NTF3: variants seen among roughly 807,000 people sequenced by gnomAD.
NTF3 encodes neurotrophin 3.
NTF3 carries 8 observed loss-of-function variants against 26.3 expected under a neutral mutation model. That is an observed-to-expected ratio of 0.30 (90% confidence interval 0.18 to 0.55). The LOEUF is 0.55. Ranked by LOEUF, NTF3 falls within the 20% of genes least tolerant of loss-of-function variation. The pLI is 0.93. For missense variants in NTF3, 276 were observed against 352.9 expected, an observed-to-expected ratio of 0.78 and a Z score of 1.75; for synonymous variants, 154 against 145.5, an observed-to-expected ratio of 1.06 and a Z score of -0.42.
intron 1 of NTF3, among the ~76,000 whole-genome samples, chr12:5,442,304 T>C (rs565460512): frequency 6.6e-6 from 1 of 152,172 alleles, no homozygotes; most frequent in Admixed American, 6.5e-5. Flanking sequence ...ATGACAGTGG[T>C]TTTCTTGTCC....
chr12:5,470,947 C>T (rs1940657344), intron 1 of NTF3, among the ~76,000 whole-genome samples: 1 of 151,342 alleles, frequency 6.6e-6, no homozygotes, highest in Admixed American at 6.6e-5. Flanking sequence ...GCAGAAGCTG[C>T]ACATGTTGTC....
At chr12:5,447,472 G>A (rs369295807) in intron 1 of NTF3, among the ~76,000 whole-genome samples, 51 of 152,318 alleles carry the variant, frequency 3.3e-4, no homozygotes, top group African/African-American at 1.2e-3. Context: ...CATCATTACA[G>A]CGAAATAGAG....
rs1385554867 is a variant in NTF3, at chr12:5,433,526, A to C, written c.18+1184A>C. ...TCTCCGCGGGAGTGGGTGCGCGTCC[A>C]GGAGGCGCTGCTTCTTTGCGGGAGT... On this transcript the variant is annotated intron_variant, in intron 1 of 1. Transcript: ENST00000423158. The surrounding 1 kb of genome is among the most constrained non-coding windows in gnomAD (Gnocchi z 4.6). Among the ~76,000 whole-genome samples, 7 of 151,992 alleles carry C rather than the reference A, an allele frequency of 4.6e-5. No homozygotes were observed. The East Asian group carries it at 1.2e-3, about 26-fold the overall frequency.
chr12:5,478,866 C>A (rs1275604591), intron 1 of NTF3, among the ~76,000 whole-genome samples: 1 of 152,212 alleles, frequency 6.6e-6, no homozygotes, highest in Admixed American at 6.5e-5. Context: ...GTGCCCAGCA[C>A]AATGTCAGGG....
chr12:5,460,434 G>A (rs2121189249), intron 1 of NTF3, among the ~76,000 whole-genome samples: 1 of 152,222 alleles, frequency 6.6e-6, no homozygotes, highest in African/African-American at 2.4e-5. Flanking sequence ...CATAGTAGTT[G>A]GAATAATACA....
intron 1 of NTF3, among the ~76,000 whole-genome samples, chr12:5,443,556 T>C (rs994777400): frequency 1.3e-5 from 2 of 152,216 alleles, no homozygotes; most frequent in Non-Finnish European, 2.9e-5. Context: ...ATGTGCATGG[T>C]GCTTTGCGTC....
chr12:5,475,104 G>A (rs1194250141), intron 1 of NTF3, among the ~76,000 whole-genome samples: 4 of 151,658 alleles, frequency 2.6e-5, no homozygotes, highest in Admixed American at 2.0e-4. Context: ...GAGCATAGAC[G>A]TATCTACACA....
rs975337289 is a variant in NTF3, at chr12:5,456,841, G to T, written c.18+24499G>T. ...CCCGTAGGTCAAGTGATTTGGGCCC[G>T]AGTTGACCCAGAGTCCCTAAATGAC... On this transcript the variant is annotated intron_variant, in intron 1 of 1. Transcript: ENST00000423158. The surrounding 1 kb of genome is among the most constrained non-coding windows in gnomAD (Gnocchi z 4.4). Among the ~76,000 whole-genome samples the T allele has an allele frequency of 2.0e-5, 3 of 152,222 alleles. No homozygotes were observed. The highest frequency in any genetic ancestry group is 7.2e-5 in the African/African-American group (3 of 41,462).
rs1228223773 is a variant in NTF3, at chr12:5,433,218, G to C, written c.18+876G>C. The stretch of plus-strand genomic sequence containing the variant: ...CTGGGACCCCTCCGGGGAGCGGCGG[G>C]CACCCGGGCCCGGCCATCCCAGGGG... On this transcript the variant is annotated intron_variant, in intron 1 of 1. Transcript: ENST00000423158. This position sits in a 1 kb window ranked among gnomAD's most constrained non-coding sequence, Gnocchi z 4.6. The C allele has an allele frequency of 2.6e-5, 4 of 152,270 alleles. No homozygotes were observed. In the East Asian group the frequency reaches 7.7e-4, roughly 29 times the overall value. The allele number at this position is 152,270 out of a possible 1,614,324, so 9.4% of individuals were successfully genotyped here. A position where few individuals can be genotyped will look rare whatever the true frequency, so the allele number is the denominator to read the frequency against.
chr12:5,437,721 T>A (rs1940187301), intron 1 of NTF3, among the ~76,000 whole-genome samples: 1 of 152,186 alleles, frequency 6.6e-6, no homozygotes, highest in African/African-American at 2.4e-5. Flanking sequence ...GTTGCTAGGG[T>A]TTTAGATTTA....
chr12:5,469,692 G>A (rs1053070563), intron 1 of NTF3, among the ~76,000 whole-genome samples: 1 of 152,184 alleles, frequency 6.6e-6, no homozygotes. Context: ...CTTAGGGAAT[G>A]TGTCTCTCTT....
chr12:5,469,268 G>A (rs922752838), intron 1 of NTF3, among the ~76,000 whole-genome samples: 1 of 152,154 alleles, frequency 6.6e-6, no homozygotes, highest in African/African-American at 2.4e-5. Context: ...TGTATTCATT[G>A]AACACTGAAG....
chr12:5,430,466 C>A (rs1940070836), upstream of NTF3, among the ~76,000 whole-genome samples: 1 of 151,138 alleles, frequency 6.6e-6, no homozygotes, highest in Admixed American at 6.6e-5. Context: ...CGAGGGACCG[C>A]AGGAGGTGAC....
intron 1 of NTF3, among the ~76,000 whole-genome samples, chr12:5,446,578 C>T (rs1940308162): frequency 6.6e-6 from 1 of 152,142 alleles, no homozygotes; most frequent in African/African-American, 2.4e-5. Context: ...TGTTAGGAAG[C>T]CATGGCTTGC....
intron 1 of NTF3, among the ~76,000 whole-genome samples, chr12:5,481,665 T>A (rs907581791): frequency 1.7e-5 from 2 of 118,728 alleles, no homozygotes; most frequent in South Asian, 3.3e-4. Flanking sequence ...AATACACACA[T>A]GCACACACAT....
chr12:5,452,807 C>T (rs1471072626), intron 1 of NTF3, among the ~76,000 whole-genome samples: 2 of 152,186 alleles, frequency 1.3e-5, no homozygotes, highest in Non-Finnish European at 2.9e-5. Flanking sequence ...CCCTTTGCTT[C>T]ATTAGCTGAT....
intron 1 of NTF3, among the ~76,000 whole-genome samples, chr12:5,443,865 G>A (rs76727319): frequency 0.037 from 5,588 of 150,690 alleles, 137 homozygotes; most frequent in Non-Finnish European, 0.053. Flanking sequence ...GAGAGAGAGA[G>A]AAAAAAAAAG....
At chr12:5,481,495 T>C (rs994303781) in intron 1 of NTF3, among the ~76,000 whole-genome samples, 2 of 13,730 alleles carry the variant, frequency 1.5e-4, no homozygotes, top group Non-Finnish European at 3.4e-4. Flanking sequence ...ACACCACAGA[T>C]ACACAGAATA....
Position 5,445,216 on chromosome 12 carries a change from T to C in NTF3, c.18+12874T>C, listed in dbSNP as rs568481060. Among the ~76,000 whole-genome samples the C allele has an allele frequency of 4.6e-5, 7 of 151,952 alleles. No homozygotes were observed. In the South Asian group the frequency reaches 1.5e-3, roughly 32 times the overall value. On this transcript the variant is annotated intron_variant, in intron 1 of 1. Coordinates refer to ENST00000423158, the MANE Select transcript of NTF3 (RefSeq NM_001102654.2). ...TGGAATAGGGACAGATGATAAAGTT[T>C]CTTGGGCATATGAAGGGGTCCCAGA...
Sources: allele counts gnomAD v4.1 joint callset (sites outside exome capture counted in the v4.1 genomes callset), GRCh38; gene constraint gnomAD v4.1.1; non-coding constraint Gnocchi (gnomAD v3.1); transcripts MANE v1.5; gene names NCBI Gene and HGNC (gene_info 2026-07-23, HGNC 2026-07-21).